The following SLC26A5 variants were observed in gnomAD, a reference collection of about 807,000 sequenced individuals.
SLC26A5 encodes prestin.
Under a neutral mutation model 81.0 loss-of-function variants are expected in SLC26A5, and 51 were observed. The observed-to-expected ratio is 0.63, with a 90% CI of 0.50 to 0.80. The LOEUF is 0.80. SLC26A5 is among the 30% of genes least tolerant of loss of function. The pLI is 0.00. For missense variants in SLC26A5, 771 were observed against 905.8 expected (o/e 0.85, Z 1.91); for synonymous variants, 325 against 332.8 (o/e 0.98, Z 0.25).
chr7:103,421,619 C>A (rs2116728560), intron 2 of SLC26A5, 52 bp from the exon 3 acceptor site: 1 of 1,244,592 alleles, frequency 8.0e-7, no homozygotes, highest in South Asian at 1.2e-5. Context: ...CTACTGATGA[C>A]TTTTCCTAAG....
At chr7:103,428,522 T>C (rs1825850883) in intron 2 of SLC26A5, among the ~76,000 whole-genome samples, 1 of 151,974 alleles carries the variant, frequency 6.6e-6, no homozygotes, top group South Asian at 2.1e-4. Context: ...TTTATTATTA[T>C]TTTGTGATAA....
At chr7:103,440,168 T>C (rs6950547) in intron 2 of SLC26A5, among the ~76,000 whole-genome samples, 58,014 of 152,070 alleles carry the variant, frequency 0.38, 14,810 homozygotes, top group African/African-American at 0.71. Flanking sequence ...GGGGAACTCA[T>C]TAGATATTTG....
intron 14 of SLC26A5, among the ~76,000 whole-genome samples, chr7:103,382,521 T>C (rs762669597): frequency 4.6e-5 from 7 of 151,892 alleles, no homozygotes; most frequent in Non-Finnish European, 7.4e-5. Context: ...AGCTAATTTT[T>C]GTATTTTTAA....
rs993656288 is a variant in SLC26A5 at position 103,413,211 on chromosome 7, A to G, written c.293-99T>C. On this transcript the variant is annotated intron_variant, in intron 4 of 19. Transcript: ENST00000306312. The stretch of plus-strand genomic sequence containing the variant: ...TTCTTTATTTCTGATGAACGAGTGA[A>G]GCCCATCTTAATTTAAGCTGCAACC... The G allele has an allele frequency of 6.1e-6, 5 of 814,770 alleles. No homozygotes were observed. In the African/African-American group the frequency reaches 8.5e-5, roughly 14 times the overall value. 50.5% of individuals were successfully genotyped at this position (814,770 alleles called of 1,614,324 possible).
chr7:103,441,711 C>T (rs1468799091), intron 2 of SLC26A5, among the ~76,000 whole-genome samples: 1 of 152,206 alleles, frequency 6.6e-6, no homozygotes, highest in African/African-American at 2.4e-5. Flanking sequence ...ATGTTATCGT[C>T]TCTGGGGACC....
At chr7:103,379,457 T>G (rs1246547815) in intron 15 of SLC26A5, 122 bp from the exon 16 acceptor site, 5 of 638,478 alleles carry the variant, frequency 7.8e-6, no homozygotes, top group Non-Finnish European at 8.3e-6. Flanking sequence ...TTTCAGGGCT[T>G]AGCTAAAATG....
Position 103,423,140 on chromosome 7 carries a change from TG to T in SLC26A5, c.-53-1574del, listed in dbSNP as rs201506504. On this transcript the variant is annotated intron_variant, in intron 2 of 19. Transcript: ENST00000306312. ...AAAAAAAATTAGCTGGGAGTGGTGA[TG>T]CACACGTGTAATCCCAGATACTTGG... Among the ~76,000 whole-genome samples the T allele has an allele frequency of 6.4e-3, 947 of 148,114 alleles. 14 individuals carry two copies. Among genetic ancestry groups the T allele is most frequent in the African/African-American group, 0.022 (885 of 40,180 alleles).
At position 103,389,111 on chromosome 7, in the gene SLC26A5, T is replaced by C. The variant is rs772947720; in HGVS notation, c.1411A>G (p.Ile471Val). 7.5e-6 allele frequency: 12 copies of C among 1,610,210 alleles called. No homozygotes were observed. The highest frequency in any genetic ancestry group is 9.3e-6 in the Non-Finnish European group (11 of 1,176,722). ...GAGGACACAAAAGTGGTAAGCCAGATGGTCTAAGCAAAAGACAGAAAACTT... is the reference window on the plus strand; with the variant it reads ...GAGGACACAAAAGTGGTAAGCCAGACGGTCTAAGCAAAAGACAGAAAACTT... ...FWRTSKIELTIWLTTFVSSLF... is the reference protein window; with the variant it reads ...FWRTSKIELTVWLTTFVSSLF... The change falls in exon 14 of 20, where the codon ATC becomes GTC. Residue 471 changes from isoleucine (I) to valine (V), a missense_variant. By Grantham distance (29) the Ile-to-Val change is conservative. Coordinates refer to ENST00000306312, the MANE Select transcript of SLC26A5 (RefSeq NM_198999.3).
At chr7:103,440,284 A>G (rs537667024) in intron 2 of SLC26A5, among the ~76,000 whole-genome samples, 2 of 152,238 alleles carry the variant, frequency 1.3e-5, no homozygotes, top group African/African-American at 2.4e-5. Context: ...AGTGTTCAAT[A>G]AACAGGCACT....
Position 103,391,062 on chromosome 7 carries a change from A to C in SLC26A5, c.1234-556T>G, listed in dbSNP as rs1433332812. On this transcript the variant is annotated intron_variant, in intron 11 of 19. Coordinates refer to ENST00000306312, the MANE Select transcript of SLC26A5 (RefSeq NM_198999.3). ...TGTATTTTTAGTAGAGACAGGGTTC[A>C]CCAGGTTGGACAGGATGGTCTCGAT... is the stretch of plus-strand genomic sequence containing the variant. Among the ~76,000 whole-genome samples, 6 of 152,096 alleles carry C rather than the reference A, an allele frequency of 3.9e-5. No homozygotes were observed. In the East Asian group the frequency reaches 1.2e-3, roughly 29 times the overall value.
chr7:103,369,704 T>TA (rs1180609744), downstream of SLC26A5, among the ~76,000 whole-genome samples: 1 of 152,216 alleles, frequency 6.6e-6, no homozygotes, highest in Non-Finnish European at 1.5e-5. Flanking sequence ...TAGATGTGTC[T>TA]ATATACATGT....
chr7:103,371,394 G>C (rs553895911), downstream of SLC26A5, among the ~76,000 whole-genome samples: 1 of 149,600 alleles, frequency 6.7e-6, no homozygotes, highest in Non-Finnish European at 1.5e-5. Context: ...GCGCGATCTC[G>C]GCTCACTGCA....
At chr7:103,421,837 G>C (rs1825377754) in intron 2 of SLC26A5, among the ~76,000 whole-genome samples, 1 of 152,164 alleles carries the variant, frequency 6.6e-6, no homozygotes, top group African/African-American at 2.4e-5. Context: ...CTAAATACTA[G>C]TCAGTTCCCT....
intron 19 of SLC26A5, among the ~76,000 whole-genome samples, chr7:103,358,287 T>G (rs1215320724): frequency 6.6e-6 from 1 of 152,224 alleles, no homozygotes; most frequent in Non-Finnish European, 1.5e-5. Context: ...TCTCTTGTTC[T>G]ATTTTGAAAT....
chr7:103,394,604 T>G (rs915696999), intron 9 of SLC26A5, among the ~76,000 whole-genome samples: 1 of 152,170 alleles, frequency 6.6e-6, no homozygotes, highest in African/African-American at 2.4e-5. Context: ...CACCGCAAAA[T>G]GCACTGCTCA....
intron 6 of SLC26A5, 97 bp from the exon 7 acceptor site, chr7:103,410,646 C>CT (rs377148546): frequency 8.6e-3 from 9,198 of 1,064,344 alleles, no homozygotes; most frequent in Non-Finnish European, 9.7e-3. Flanking sequence ...TGACCATTTT[C>CT]TTTTTTTTTT....
At chr7:103,411,295 C>G (rs1824465621) in intron 6 of SLC26A5, 125 bp downstream of exon 6, 1 of 1,105,174 alleles carries the variant, frequency 9.0e-7, no homozygotes, top group East Asian at 2.4e-5. Context: ...TGCAGTTACT[C>G]CCAGAGCTCT....
At chr7:103,371,381 G>A (rs866206292), downstream of SLC26A5, among the ~76,000 whole-genome samples, 17 of 147,486 alleles carry the variant, frequency 1.2e-4, no homozygotes, top group Non-Finnish European at 2.2e-4. Context: ...CTGGAGTGCA[G>A]TGGCGCGATC....
intron 9 of SLC26A5, among the ~76,000 whole-genome samples, chr7:103,396,234 G>A (rs545834985): frequency 5.9e-5 from 9 of 152,178 alleles, no homozygotes; most frequent in Non-Finnish European, 1.3e-4. Flanking sequence ...GCCACTATGG[G>A]TGGGACTGTA....
Sources: allele counts gnomAD v4.1 joint callset (sites outside exome capture counted in the v4.1 genomes callset), GRCh38; gene constraint gnomAD v4.1.1; transcripts MANE v1.5; gene names NCBI Gene and HGNC (gene_info 2026-07-23, HGNC 2026-07-21).